HID1: variants seen among roughly 807,000 people sequenced by gnomAD.
HID1 encodes the protein HID1 domain containing, also known as protein HID1.
In HID1, 42 loss-of-function variants were observed where a neutral mutation model predicts 89.7. The ratio of observed to expected loss-of-function variants is 0.47; its 90% CI spans 0.37 to 0.61. The LOEUF (loss-of-function observed/expected upper bound fraction) is 0.61. Among genes scored for constraint, HID1 ranks in the 20% least tolerant of loss-of-function variants. The pLI is 0.00. For missense variants in HID1, 854 were observed against 1,039.3 expected (o/e 0.82, Z 2.45); for synonymous variants, 442 against 433.8 (o/e 1.02, Z -0.24).
chr17:74,966,365 T>C (rs1173195036), intron 1 of HID1, among the ~76,000 whole-genome samples: 3 of 151,630 alleles, frequency 2.0e-5, no homozygotes, highest in Admixed American at 2.0e-4. Context: ...TGGTTTTATA[T>C]TTTTCTTTAT....
chr17:74,966,283 C>CAAAA (rs34312915), intron 1 of HID1, among the ~76,000 whole-genome samples: 13 of 70,940 alleles, frequency 1.8e-4, no homozygotes, highest in East Asian at 4.4e-4. Flanking sequence ...GACTCTGTCT[C>CAAAA]AAAAAAAAAA....
At chr17:74,954,670 G>C (rs2039361792) in intron 13 of HID1, 3 of 448,818 alleles carry the variant, frequency 6.7e-6, no homozygotes, top group Non-Finnish European at 1.2e-5. Context: ...ACAGGCCCCA[G>C]CATGGCAGCA....
rs2039309070 is a variant in HID1, at chr17:74,952,015, G to C, written c.2193C>G (p.Thr731=). The C allele has an allele frequency of 5.1e-6, 8 of 1,560,146 alleles. No homozygotes were observed. Among genetic ancestry groups the C allele is most frequent in the Non-Finnish European group, 6.9e-6 (8 of 1,151,624 alleles). Residue 731 remains threonine (T), a synonymous_variant, in exon 18 of 19, where the codon ACC becomes ACG. Coordinates refer to ENST00000425042, the MANE Select transcript of HID1 (RefSeq NM_030630.3). ...SEILRFLQHG[T]LVGLLPVPHP... ...GGGGCACGGGCAGCAGCCCCACCAGGGTGCCATGCTGCAGGAACCGCAGGA... is the reference window on the plus strand; with the variant it reads ...GGGGCACGGGCAGCAGCCCCACCAGCGTGCCATGCTGCAGGAACCGCAGGA...
rs766217248 is a variant in HID1 at position 74,959,849 on chromosome 17, C to A, written c.1008+32G>T. 2 of 1,611,202 alleles carry A rather than the reference C, an allele frequency of 1.2e-6. No individual in the cohort carries two copies. The highest frequency in any genetic ancestry group is 2.2e-5 in the East Asian group (1 of 44,866). Reference sequence around the variant, plus strand: ...CCTGTCTCACTTGCATCCCCCTGCACCCTGCAAAGCCACTGTGGGGACTGG... The same window carrying A: ...CCTGTCTCACTTGCATCCCCCTGCAACCTGCAAAGCCACTGTGGGGACTGG... On this transcript the variant is annotated intron_variant, in intron 8 of 18. Coordinates refer to ENST00000425042, the MANE Select transcript of HID1 (RefSeq NM_030630.3). This position sits in a 1 kb window ranked among gnomAD's most constrained non-coding sequence, Gnocchi z 4.6.
chr17:74,951,602 C>T lies in HID1; in HGVS notation c.2335G>A (p.Asp779Asn), dbSNP rs144702303. 124 of 1,612,794 alleles carry T rather than the reference C, an allele frequency of 7.7e-5. No individual in the cohort carries two copies. In the East Asian group the frequency reaches 9.6e-4, roughly 12 times the overall value. Residue 779 changes from aspartate (D) to asparagine (N), a missense_variant, in exon 19 of 19, where the codon GAC (aspartate) becomes AAC (asparagine). Asp to Asn is a conservative substitution (Grantham distance 23). Transcript: ENST00000425042. Reference protein sequence around the residue: ...NVDPPVWYDTDVKLFEIQRV With the variant: ...NVDPPVWYDTNVKLFEIQRV ...CGCTGTATCTCAAACAGCTTCACGT[C>T]GGTGTCGTACCAGACAGGGGGGTCC...
intron 6 of HID1, 47 bp from the exon 7 acceptor site, chr17:74,960,295 G>A: frequency 6.6e-7 from 1 of 1,522,134 alleles, no homozygotes; most frequent in Non-Finnish European, 8.9e-7. Context: ...CTGGGGCCCA[G>A]CCCCCTGGCC....
At chr17:74,970,951 T>A (rs1000364735) in intron 1 of HID1, among the ~76,000 whole-genome samples, 2 of 152,214 alleles carry the variant, frequency 1.3e-5, no homozygotes, top group African/African-American at 4.8e-5. Flanking sequence ...AAGGCTGGTC[T>A]GATCTCCAGC....
intron 1 of HID1, among the ~76,000 whole-genome samples, chr17:74,967,531 T>G (rs551402756): frequency 6.6e-6 from 1 of 151,282 alleles, no homozygotes; most frequent in African/African-American, 2.4e-5. Context: ...AGAGTGAGAC[T>G]CCGTCTCAAA....
In HID1 at chr17:74,962,566, A is replaced by G. The variant is rs1183143878; in HGVS notation, c.505-226T>C. 6.6e-6 allele frequency among the ~76,000 whole-genome samples: 1 copy of G among 151,652 alleles called. No homozygotes were observed. Among genetic ancestry groups the G allele is most frequent in the Non-Finnish European group, 1.5e-5 (1 of 67,900 alleles). On this transcript the variant is annotated intron_variant, in intron 4 of 18. Coordinates refer to ENST00000425042, the MANE Select transcript of HID1 (RefSeq NM_030630.3). The surrounding 1 kb of genome is among the most constrained non-coding windows in gnomAD (Gnocchi z 4.3). ...TCTTCCATCTCAGACTGGTTCTTTC[A>G]CTTGCTCAGTCCAGTTTGGGACAGG...
Position 74,958,705 on chromosome 17 carries a change from A to G in HID1, c.1208T>C (p.Leu403Pro). The G allele has an allele frequency of 6.2e-7, 1 of 1,602,288 alleles. No individual in the cohort carries two copies. Among genetic ancestry groups the G allele is most frequent in the Non-Finnish European group, 8.5e-7 (1 of 1,174,752 alleles). ...GGCCCGGGCATCGTTGAGGAAGAAG[A>G]GGATGGGGACAAGGATGTCTAGGAC... ...SDVLDILVPI[L>P]FFLNDARADQ... The change falls in exon 10 of 19, where the codon CTC becomes CCC. Residue 403 changes from leucine (L) to proline (P), a missense_variant. Coordinates refer to ENST00000425042, the MANE Select transcript of HID1 (RefSeq NM_030630.3). This position sits in a 1 kb window ranked among gnomAD's most constrained non-coding sequence, Gnocchi z 5.2.
rs745610102 is a variant in HID1, at chr17:74,952,054, C to T, written c.2154G>A (p.Thr718=). The T allele has an allele frequency of 9.6e-6, 15 of 1,556,832 alleles. No individual in the cohort carries two copies. The highest frequency in any genetic ancestry group is 2.4e-5 in the South Asian group (2 of 84,470). ...GGAACCGCAGGATCTCAGACTCATC[C>T]GTCAGGCCCCTGCGGGGAGAGGGGT... The part of the protein sequence containing the change: ...VEKICIDKGL[T]DESEILRFLQ... The change falls in exon 18 of 19, where the codon ACG becomes ACA. Residue 718 remains threonine, a synonymous_variant. Coordinates refer to ENST00000425042, the MANE Select transcript of HID1 (RefSeq NM_030630.3).
chr17:74,967,307 G>A (rs2039577498), intron 1 of HID1, among the ~76,000 whole-genome samples: 1 of 151,592 alleles, frequency 6.6e-6, no homozygotes, highest in African/African-American at 2.4e-5. Context: ...TTGGGAGGCT[G>A]AGGTGGGTGG....
Position 74,958,169 on chromosome 17 carries a change from G to A in HID1, c.1443C>T (p.Phe481=), listed in dbSNP as rs777197252. The change falls in exon 12 of 19, where the codon TTC becomes TTT. Residue 481 remains phenylalanine, a synonymous_variant. Transcript: ENST00000425042. The surrounding 1 kb of genome is among the most constrained non-coding windows in gnomAD (Gnocchi z 5.2). ...TGACCACGATGGTGAGCAGGCAGTC[G>A]AAGAGGGGCTGCAACCGCTGGTGCC... The part of the protein sequence containing the change: ...TSGHQRLQPL[F]DCLLTIVVNV... 1.1e-5 allele frequency: 18 copies of A among 1,610,634 alleles called. No individual in the cohort carries two copies. In the East Asian group the frequency reaches 2.2e-4, roughly 20 times the overall value.
intron 16 of HID1, 110 bp from the exon 17 acceptor site, chr17:74,952,470 C>G: frequency 1.4e-6 from 1 of 719,438 alleles, no homozygotes; most frequent in Non-Finnish European, 2.4e-6. Context: ...AGTACCCCTG[C>G]TCCTTGCAGC....
intron 15 of HID1, 78 bp from the exon 16 acceptor site, chr17:74,953,164 C>T: frequency 8.3e-7 from 1 of 1,203,952 alleles, no homozygotes; most frequent in Non-Finnish European, 1.2e-6. Flanking sequence ...GAGCCCTCTC[C>T]ACTGGCAGCT....
chr17:74,958,492 C>T lies in HID1; in HGVS notation c.1241-14G>A, dbSNP rs2039428515. 2 of 1,583,718 alleles carry T rather than the reference C, an allele frequency of 1.3e-6. No individual in the cohort carries two copies. Among genetic ancestry groups the T allele is most frequent in the African/African-American group, 1.3e-5 (1 of 74,384 alleles). On this transcript the variant is annotated splice_polypyrimidine_tract_variant and intron_variant, in intron 10 of 18. Coordinates refer to ENST00000425042, the MANE Select transcript of HID1 (RefSeq NM_030630.3). The surrounding 1 kb of genome is among the most constrained non-coding windows in gnomAD (Gnocchi z 5.2). ...GGCCCACCCGAGCTGCGGCAGGTGG[C>T]GTGGGAGGGGTCACTCGGGTGGGAG... is the stretch of plus-strand genomic sequence containing the variant.
At chr17:74,971,715 G>A (rs952038630) in intron 1 of HID1, among the ~76,000 whole-genome samples, 14 of 152,230 alleles carry the variant, frequency 9.2e-5, no homozygotes, top group Non-Finnish European at 1.6e-4. Context: ...GATTCAAAAA[G>A]CCAGGAGAGA....
rs570825257 is a variant in HID1, at chr17:74,962,944, G to C, written c.504+21C>G. 1.9e-6 allele frequency: 3 copies of C among 1,551,166 alleles called. No homozygotes were observed. Among genetic ancestry groups the C allele is most frequent in the Non-Finnish European group, 1.8e-6 (2 of 1,128,060 alleles). On this transcript the variant is annotated intron_variant, in intron 4 of 18. Coordinates refer to ENST00000425042, the MANE Select transcript of HID1 (RefSeq NM_030630.3). This position sits in a 1 kb window ranked among gnomAD's most constrained non-coding sequence, Gnocchi z 4.3. ...ACCAGAGCCTACTCCGCCTGGGGGTGGGGGGCTGGGGGACACTCACCACAG... is the reference window on the plus strand; with the variant it reads ...ACCAGAGCCTACTCCGCCTGGGGGTCGGGGGCTGGGGGACACTCACCACAG...
At position 74,964,551 on chromosome 17, in the gene HID1, C is replaced by G; in HGVS notation, c.148G>C (p.Val50Leu). ...ACGGCCCGGATCTCTGCTGCCGGCA[C>G]CAGTGCAAACACATCCTGCACCGAG... ...ATSVQDVFAL[V>L]PAAEIRAVRE... Residue 50 changes from valine to leucine, a missense_variant, in exon 2 of 19, where the codon GTG becomes CTG. By Grantham distance (32) the Val-to-Leu change is conservative. Coordinates refer to ENST00000425042, the MANE Select transcript of HID1 (RefSeq NM_030630.3). 6.2e-7 allele frequency: 1 copy of G among 1,610,886 alleles called. No homozygotes were observed. The highest frequency in any genetic ancestry group is 1.1e-5 in the South Asian group (1 of 90,098).
Sources: allele counts gnomAD v4.1 joint callset (sites outside exome capture counted in the v4.1 genomes callset), GRCh38; gene constraint gnomAD v4.1.1; non-coding constraint Gnocchi (gnomAD v3.1); transcripts MANE v1.5; gene names NCBI Gene and HGNC (gene_info 2026-07-23, HGNC 2026-07-21).